Variants in MAGI2 observed in about 807,000 individuals in gnomAD.
The protein encoded by MAGI2 is membrane associated guanylate kinase, WW and PDZ domain containing 2.
In MAGI2, 35 loss-of-function variants were observed where a neutral mutation model predicts 133.3. The ratio of observed to expected loss-of-function variants is 0.26; its 90% CI spans 0.20 to 0.35. MAGI2 has a LOEUF of 0.35. MAGI2 is among the 10% of genes least tolerant of loss of function. MAGI2 has a pLI of 1.00. For missense variants in MAGI2, 1,636 were observed against 1,863.4 expected (o/e 0.88, Z 2.25); for synonymous variants, 729 against 710.6 (o/e 1.03, Z -0.41).
At chr7:79,035,746 T>C (rs2116855501) in intron 1 of MAGI2, among the ~76,000 whole-genome samples, 1 of 152,298 alleles carries the variant, frequency 6.6e-6, no homozygotes, top group Non-Finnish European at 1.5e-5. Flanking sequence ...CTACAAATAA[T>C]ATAGAATTTC....
intron 5 of MAGI2, among the ~76,000 whole-genome samples, chr7:78,493,099 C>G (rs1266348952): frequency 6.6e-6 from 1 of 152,166 alleles, no homozygotes; most frequent in Non-Finnish European, 1.5e-5. Context: ...TGATGTTAAA[C>G]TAAACACTGG....
intron 1 of MAGI2, among the ~76,000 whole-genome samples, chr7:79,020,369 A>C (rs1809185792): frequency 6.6e-6 from 1 of 152,218 alleles, no homozygotes; most frequent in Non-Finnish European, 1.5e-5. Context: ...TTAAAATGGA[A>C]GCAGAGCATA....
chr7:78,647,275 C>A (rs1000689549), intron 2 of MAGI2, among the ~76,000 whole-genome samples: 15 of 152,086 alleles, frequency 9.9e-5, no homozygotes, highest in Admixed American at 3.3e-4. Context: ...TATCCAGAAT[C>A]TACAAAGAAC....
chr7:79,121,217 T>C (rs893186896), intron 1 of MAGI2, among the ~76,000 whole-genome samples: 2 of 152,100 alleles, frequency 1.3e-5, no homozygotes, highest in African/African-American at 4.8e-5. Flanking sequence ...TCAATGAAAT[T>C]AGAATGAAAA....
chr7:78,055,888 C>T lies in MAGI2; in HGVS notation c.3706+23059G>A, dbSNP rs535246508. Among the ~76,000 whole-genome samples the T allele has an allele frequency of 2.0e-4, 30 of 152,240 alleles. No individual in the cohort carries two copies. In the East Asian group the frequency reaches 5.8e-3, roughly 29 times the overall value. On this transcript the variant is annotated intron_variant, in intron 21 of 21. Coordinates refer to ENST00000354212, the MANE Select transcript of MAGI2 (RefSeq NM_012301.4). ...GAAGGGGGGCAATCCTCTGAAGTAA[C>T]CTCCGCTGAAGGCTTAGGGCTGCTG... is the stretch of plus-strand genomic sequence containing the variant.
chr7:78,807,330 AATAAT>A (rs1788662381), intron 2 of MAGI2, among the ~76,000 whole-genome samples: 1 of 152,206 alleles, frequency 6.6e-6, no homozygotes, highest in African/African-American at 2.4e-5. Flanking sequence ...TGCTAATATA[AATAAT>A]ATATTTTATG....
At chr7:78,955,581 T>G (rs1438555320) in intron 2 of MAGI2, among the ~76,000 whole-genome samples, 1 of 152,078 alleles carries the variant, frequency 6.6e-6, no homozygotes, top group Non-Finnish European at 1.5e-5. Context: ...GGGTAGTACA[T>G]ACTTTCATAC....
intron 1 of MAGI2, among the ~76,000 whole-genome samples, chr7:79,383,998 C>T (rs1021404804): frequency 1.3e-5 from 2 of 151,326 alleles, no homozygotes; most frequent in South Asian, 2.1e-4. Context: ...TATATCAGTA[C>T]ATAAGTTATG....
rs538836350 is a variant in MAGI2, at chr7:79,167,935, G to A, written c.302-160729C>T. 3.3e-5 allele frequency among the ~76,000 whole-genome samples: 5 copies of A among 152,228 alleles called. No homozygotes were observed. In the East Asian group the frequency reaches 9.7e-4, roughly 30 times the overall value. On this transcript the variant is annotated intron_variant, in intron 1 of 21. Transcript: ENST00000354212. The stretch of plus-strand genomic sequence containing the variant: ...AGGAACACCCGGCCTGCCCAGGGTG[G>A]TAAACCGCTTAAAGGCGTTCTTAAA...
In MAGI2 at chr7:78,135,159, G is replaced by A. The variant is rs370767138; in HGVS notation, c.2893C>T (p.Arg965Cys). 21 of 1,613,976 alleles carry A rather than the reference G, an allele frequency of 1.3e-5. No individual in the cohort carries two copies. Among genetic ancestry groups the A allele is most frequent in the Admixed American group, 5.0e-5 (3 of 59,996 alleles). The change falls in exon 17 of 22, where the codon CGC becomes TGC. Residue 965 changes from arginine (R) to cysteine (C), a missense_variant. Around this residue, in one of 5 missense-constraint regions of MAGI2, gnomAD observed 920 missense variants for 1,093.5 expected, o/e 0.84. Coordinates refer to ENST00000354212, the MANE Select transcript of MAGI2 (RefSeq NM_012301.4). Reference sequence around the variant, plus strand: ...TCTCCCACTTTTAGTTTTGCACAGCGATCTGCAGGACTCCCATCAATGATG... The same window carrying A: ...TCTCCCACTTTTAGTTTTGCACAGCAATCTGCAGGACTCCCATCAATGATG... The part of the protein sequence containing the change: ...GRIIDGSPAD[R>C]CAKLKVGDRI...
intron 1 of MAGI2, among the ~76,000 whole-genome samples, chr7:79,070,392 C>T (rs897732148): frequency 6.6e-6 from 1 of 151,508 alleles, no homozygotes; most frequent in African/African-American, 2.4e-5. Context: ...TCTGCTTGAT[C>T]GATTCAGCTA....
intron 2 of MAGI2, among the ~76,000 whole-genome samples, chr7:78,640,622 T>C (rs1425484705): frequency 7.2e-6 from 1 of 139,412 alleles, no homozygotes; most frequent in Non-Finnish European, 1.6e-5. Flanking sequence ...AACAGAGGGG[T>C]GAATACCAAC....
In MAGI2 at chr7:78,151,100, ATAT is replaced by A. The variant is rs1823827510; in HGVS notation, c.2845+8922_2845+8924del. On this transcript the variant is annotated intron_variant, in intron 16 of 21. Coordinates refer to ENST00000354212, the MANE Select transcript of MAGI2 (RefSeq NM_012301.4). ...TATATTTATATTTATATTTATATTT[ATAT>A]ATTTGCACTTGTTTGCTTACTAGTA... Among the ~76,000 whole-genome samples, 3 of 130,954 alleles carry A rather than the reference ATAT, an allele frequency of 2.3e-5. No individual in the cohort carries two copies. The Admixed American group carries it at 2.4e-4, about 10-fold the overall frequency. The allele number at this position is 130,954 out of a possible 152,430, so 85.9% of individuals were successfully genotyped here. A position where few individuals can be genotyped will look rare whatever the true frequency, so the allele number is the denominator to read the frequency against.
intron 1 of MAGI2, among the ~76,000 whole-genome samples, chr7:79,265,063 C>T (rs551200671): frequency 6.6e-6 from 1 of 152,162 alleles, no homozygotes; most frequent in South Asian, 2.1e-4. Context: ...AGGTTTAGAG[C>T]AGACAAATAA....
At chr7:79,363,776 C>T (rs1215812720) in intron 1 of MAGI2, among the ~76,000 whole-genome samples, 2 of 150,366 alleles carry the variant, frequency 1.3e-5, no homozygotes, top group Admixed American at 6.6e-5. Flanking sequence ...GAAGAGACAA[C>T]CTATGGATTG....
chr7:78,479,693 C>G (rs1176845198), intron 6 of MAGI2, among the ~76,000 whole-genome samples: 1 of 151,822 alleles, frequency 6.6e-6, no homozygotes, highest in Non-Finnish European at 1.5e-5. Flanking sequence ...TAAAAATGGT[C>G]TGTATAATGA....
At chr7:78,565,028 T>C (rs967869299) in intron 3 of MAGI2, among the ~76,000 whole-genome samples, 1 of 151,816 alleles carries the variant, frequency 6.6e-6, no homozygotes, top group Non-Finnish European at 1.5e-5. Context: ...CTCCTGACCT[T>C]GTGATCCGTC....
At chr7:78,919,486 A>C (rs1399410541) in intron 2 of MAGI2, among the ~76,000 whole-genome samples, 2 of 152,110 alleles carry the variant, frequency 1.3e-5, no homozygotes, top group Admixed American at 1.3e-4. Flanking sequence ...TAGGAGAAAA[A>C]AGCATCAAAT....
At chr7:79,241,802 T>C (rs1276542556) in intron 1 of MAGI2, among the ~76,000 whole-genome samples, 1 of 152,224 alleles carries the variant, frequency 6.6e-6, no homozygotes, top group Non-Finnish European at 1.5e-5. Context: ...TTTTGAGATG[T>C]GTTTCAAACC....
Sources: allele counts gnomAD v4.1 joint callset (sites outside exome capture counted in the v4.1 genomes callset), GRCh38; gene constraint gnomAD v4.1.1; regional missense constraint gnomAD v4.1.1; transcripts MANE v1.5; gene names NCBI Gene and HGNC (gene_info 2026-07-23, HGNC 2026-07-21).